COL25A1: variants seen among roughly 807,000 people sequenced by gnomAD.
COL25A1 encodes collagen type XXV alpha 1 chain.
A neutral mutation model predicts 128.4 loss-of-function variants in COL25A1; 103 were observed. The observed-to-expected ratio is 0.80, with a 90% CI of 0.68 to 0.94. The LOEUF (loss-of-function observed/expected upper bound fraction) is 0.94, where lower values mean the gene tolerates loss of function less well. Ranked by LOEUF, COL25A1 falls within the 40% of genes least tolerant of loss-of-function variation. COL25A1 has a pLI of 0.00. For missense variants in COL25A1, 745 were observed against 840.0 expected, an observed-to-expected ratio of 0.89 and a Z score of 1.40; for synonymous variants, 279 against 277.2, an observed-to-expected ratio of 1.01 and a Z score of -0.06.
intron 3 of COL25A1, among the ~76,000 whole-genome samples, chr4:109,266,825 G>T (rs1167004589): frequency 6.6e-6 from 1 of 152,076 alleles, no homozygotes; most frequent in Non-Finnish European, 1.5e-5. Context: ...CATGACTTTT[G>T]TGCTGTTAGC....
intron 3 of COL25A1, among the ~76,000 whole-genome samples, chr4:109,089,930 T>C (rs965539335): frequency 2.0e-5 from 3 of 151,828 alleles, no homozygotes; most frequent in Non-Finnish European, 2.9e-5. Context: ...AATTGCTACA[T>C]AGGACTTTTT....
chr4:108,889,177 G>GA (rs1560810501), intron 18 of COL25A1, 44 bp downstream of exon 18: 3 of 1,526,036 alleles, frequency 2.0e-6, no homozygotes, highest in Non-Finnish European at 2.7e-6. Flanking sequence ...ATATAAAATG[G>GA]TGAATATGAG....
intron 3 of COL25A1, among the ~76,000 whole-genome samples, chr4:109,069,330 G>C (rs1253199757): frequency 1.3e-5 from 2 of 151,656 alleles, no homozygotes; most frequent in East Asian, 3.9e-4. Context: ...TCTCACCTGA[G>C]CCTCCCCAGT....
At chr4:109,166,629 G>A (rs988351934) in intron 3 of COL25A1, among the ~76,000 whole-genome samples, 1 of 152,140 alleles carries the variant, frequency 6.6e-6, no homozygotes, top group African/African-American at 2.4e-5. Context: ...GCACTCCACT[G>A]ATCTGTGTAA....
intron 30 of COL25A1, among the ~76,000 whole-genome samples, chr4:108,844,085 G>A (rs1475800350): frequency 6.6e-6 from 1 of 152,114 alleles, no homozygotes; most frequent in Non-Finnish European, 1.5e-5. Context: ...TAGAGATGGA[G>A]TTTTGCCATG....
chr4:108,860,850 T>C, intron 23 of COL25A1, 77 bp downstream of exon 23: 1 of 1,181,348 alleles, frequency 8.5e-7, no homozygotes, highest in Non-Finnish European at 1.3e-6. Flanking sequence ...AGATGTCATA[T>C]GAATAGCCAT....
chr4:108,882,569 T>C (rs975547500), intron 19 of COL25A1, among the ~76,000 whole-genome samples: 15 of 152,174 alleles, frequency 9.9e-5, no homozygotes, highest in African/African-American at 3.6e-4. Flanking sequence ...CCATTATTTG[T>C]AAAAAGCCAT....
intron 3 of COL25A1, among the ~76,000 whole-genome samples, chr4:109,073,224 TTG>T (rs1763125267): frequency 1.3e-5 from 2 of 152,158 alleles, no homozygotes; most frequent in Non-Finnish European, 2.9e-5. Flanking sequence ...AACCAAGACC[TTG>T]GCCTCTTACC....
intron 3 of COL25A1, among the ~76,000 whole-genome samples, chr4:109,172,052 T>C (rs553843760): frequency 1.4e-4 from 22 of 152,250 alleles, no homozygotes; most frequent in African/African-American, 5.3e-4. Context: ...AAGGTGTATA[T>C]GTCCTGCAGG....
chr4:109,275,037 C>A (rs1036745269), intron 3 of COL25A1, among the ~76,000 whole-genome samples: 1 of 152,172 alleles, frequency 6.6e-6, no homozygotes, highest in Non-Finnish European at 1.5e-5. Flanking sequence ...TACACAATGG[C>A]CCTCTTTGTG....
chr4:109,001,428 G>GATCCTGTCAGGTAGGCATCTGGGAT (rs1202063003), intron 6 of COL25A1, among the ~76,000 whole-genome samples: 3 of 12,626 alleles, frequency 2.4e-4, no homozygotes, highest in South Asian at 4.3e-3. Flanking sequence ...TAGGCAGTGA[G>GATCCTGTCAGGTAGGCATCTGGGAT]CTAGAGGGTT....
At chr4:108,946,576 T>C (rs954498622) in intron 8 of COL25A1, among the ~76,000 whole-genome samples, 1 of 152,246 alleles carries the variant, frequency 6.6e-6, no homozygotes, top group Non-Finnish European at 1.5e-5. Flanking sequence ...ACATTTACTA[T>C]GCCATGCTCT....
At position 109,301,794 on chromosome 4, in the gene COL25A1, G is replaced by T. The variant is rs1436216905; in HGVS notation, c.226C>A (p.His76Asn). The T allele has an allele frequency of 2.5e-6, 4 of 1,614,260 alleles. No homozygotes were observed. Among genetic ancestry groups the T allele is most frequent in the Non-Finnish European group, 3.4e-6 (4 of 1,180,048 alleles). Residue 76 changes from histidine (H) to asparagine (N), a missense_variant, in exon 2 of 38, where the codon CAT becomes AAT. His to Asn is a moderately conservative substitution (Grantham distance 68). Coordinates refer to ENST00000399132, the MANE Select transcript of COL25A1 (RefSeq NM_198721.4). The part of the protein sequence containing the change: ...LESAKGAPSI[H>N]LLPDTLDHLK... ...TGATCCAGGGTATCAGGCAGCAGAT[G>T]AATGGAAGGGGCCCCTTTGGCGGAT...
chr4:109,185,109 A>T (rs565259021), intron 3 of COL25A1, among the ~76,000 whole-genome samples: 1 of 152,312 alleles, frequency 6.6e-6, no homozygotes, highest in African/African-American at 2.4e-5. Flanking sequence ...TTGAAGGCTT[A>T]AAAAAAGTAT....
chr4:109,193,849 T>C (rs922040129), intron 3 of COL25A1, among the ~76,000 whole-genome samples: 1 of 152,190 alleles, frequency 6.6e-6, no homozygotes. Context: ...AGCCCTGCTA[T>C]ACTCCCAACA....
intron 11 of COL25A1, among the ~76,000 whole-genome samples, chr4:108,927,040 C>T (rs1196828105): frequency 1.3e-5 from 2 of 152,074 alleles, no homozygotes; most frequent in Non-Finnish European, 2.9e-5. Flanking sequence ...AGAGCCTCAT[C>T]TCTCGTTTCA....
chr4:109,063,263 G>A lies in COL25A1; in HGVS notation c.368-13084C>T, dbSNP rs533013196. ...CATGCCTATAATCCCAGCACTTTGG[G>A]AGGCCAAGGCATGTGGATCACCTGA... On this transcript the variant is annotated intron_variant, in intron 3 of 37. Coordinates refer to ENST00000399132, the MANE Select transcript of COL25A1 (RefSeq NM_198721.4). Among the ~76,000 whole-genome samples the A allele has an allele frequency of 2.6e-5, 4 of 152,242 alleles. No individual in the cohort carries two copies. The East Asian group carries it at 5.8e-4, about 22-fold the overall frequency.
rs539922609 is a variant in COL25A1, at chr4:109,198,838, TCA to T, written c.367+101743_367+101744del. On this transcript the variant is annotated intron_variant, in intron 3 of 37. Coordinates refer to ENST00000399132, the MANE Select transcript of COL25A1 (RefSeq NM_198721.4). The stretch of plus-strand genomic sequence containing the variant: ...CTAATATGTACATTTGTGAAGAATC[TCA>T]GATTCATGAGATTAGTCTTGTGCTT... Among the ~76,000 whole-genome samples, 345 of 152,316 alleles carry T rather than the reference TCA, an allele frequency of 2.3e-3. 1 individual carries two copies. The highest frequency in any genetic ancestry group is 7.6e-3 in the African/African-American group (317 of 41,570).
chr4:109,050,353 A>C (rs1161494635), intron 3 of COL25A1, among the ~76,000 whole-genome samples, 174 bp from the exon 4 acceptor site: 1 of 152,108 alleles, frequency 6.6e-6, no homozygotes, highest in African/African-American at 2.4e-5. Context: ...AAAACTCTTA[A>C]GGTTCATTTA....
Sources: gnomAD v4.1 joint callset for allele counts (sites outside exome capture counted in the v4.1 genomes callset) on GRCh38, gnomAD v4.1.1 for gene constraint, MANE v1.5 for transcripts, NCBI Gene and HGNC (gene_info 2026-07-23, HGNC 2026-07-21) for gene names.